The following GABRB1 variants were observed in gnomAD, a reference collection of about 807,000 sequenced individuals.
The protein encoded by GABRB1 is gamma-aminobutyric acid receptor subunit beta-1.
In GABRB1, 17 loss-of-function variants were observed where a neutral mutation model predicts 51.6. That is an observed-to-expected ratio of 0.33 (90% CI 0.23 to 0.49). The LOEUF is 0.49. GABRB1 is among the 20% of genes least tolerant of loss of function. GABRB1 has a pLI of 0.99. For missense variants in GABRB1, 410 were observed against 600.6 expected (o/e 0.68, Z 3.32); for synonymous variants, 247 against 218.9 (o/e 1.13, Z -1.14).
At chr4:47,054,891 T>C (rs1437430076) in intron 3 of GABRB1, among the ~76,000 whole-genome samples, 1 of 152,188 alleles carries the variant, frequency 6.6e-6, no homozygotes, top group African/African-American at 2.4e-5. Flanking sequence ...GGACACTTTA[T>C]GGACAACATT....
intron 4 of GABRB1, among the ~76,000 whole-genome samples, chr4:47,288,979 C>T (rs181538450): frequency 6.6e-6 from 1 of 152,166 alleles, no homozygotes; most frequent in East Asian, 1.9e-4. Context: ...TAGCATGGCA[C>T]CTTATTGTAA....
intron 4 of GABRB1, among the ~76,000 whole-genome samples, chr4:47,281,038 C>T (rs532779291): frequency 6.6e-6 from 1 of 152,050 alleles, no homozygotes; most frequent in South Asian, 2.1e-4. Context: ...TTTGAATTTT[C>T]ATTCCATTTC....
chr4:47,031,941 C>T lies in GABRB1; in HGVS notation c.108C>T (p.Tyr36=), dbSNP rs1434148802. The change falls in exon 2 of 9, where the codon TAC becomes TAT. Residue 36 remains tyrosine, a synonymous_variant. Transcript: ENST00000295454. ...HSTNEPSNMS[Y]VKETVDRLLK... ...CCAATGAACCCAGCAACATGTCATA[C>T]GTGAAAGAGACAGTGGACAGATTGC... 1.2e-6 allele frequency: 2 copies of T among 1,613,968 alleles called. No individual in the cohort carries two copies. The highest frequency in any genetic ancestry group is 8.5e-7 in the Non-Finnish European group (1 of 1,179,936).
chr4:47,231,754 G>A (rs1438377310), intron 4 of GABRB1, among the ~76,000 whole-genome samples: 1 of 152,180 alleles, frequency 6.6e-6, no homozygotes, highest in African/African-American at 2.4e-5. Context: ...CATGCCCACT[G>A]TGAAAGCCTA....
intron 4 of GABRB1, among the ~76,000 whole-genome samples, chr4:47,176,821 C>T (rs144622366): frequency 1.1e-4 from 16 of 152,186 alleles, no homozygotes; most frequent in African/African-American, 3.4e-4. Flanking sequence ...AGGAAAGGCT[C>T]CAAGTACAAA....
chr4:47,411,934 A>G (rs1267671376), intron 8 of GABRB1, among the ~76,000 whole-genome samples: 1 of 152,220 alleles, frequency 6.6e-6, no homozygotes, highest in Non-Finnish European at 1.5e-5. Context: ...ATCACATTGT[A>G]TACAACAGAA....
chr4:47,350,286 T>G (rs10805155), intron 5 of GABRB1, among the ~76,000 whole-genome samples: 118,861 of 139,814 alleles, frequency 0.85, 50,718 homozygotes, highest in East Asian at 0.95. Context: ...TATATATATA[T>G]AGAGAGAGAG....
intron 3 of GABRB1, among the ~76,000 whole-genome samples, chr4:47,108,293 C>T (rs1322340741): frequency 6.6e-6 from 1 of 151,934 alleles, no homozygotes; most frequent in African/African-American, 2.4e-5. Context: ...TTATTTTCCA[C>T]TTTGTGAATA....
At chr4:47,021,747 G>A (rs1724934241) in intron 1 of GABRB1, among the ~76,000 whole-genome samples, 4 of 151,992 alleles carry the variant, frequency 2.6e-5, no homozygotes. Flanking sequence ...GACTTTGTGG[G>A]CTTGAACTCT....
intron 4 of GABRB1, among the ~76,000 whole-genome samples, chr4:47,317,380 G>C (rs1224045225): frequency 1.3e-5 from 2 of 151,882 alleles, no homozygotes; most frequent in Non-Finnish European, 2.9e-5. Flanking sequence ...TGGTAAAAGA[G>C]TATAGCAGAC....
intron 4 of GABRB1, among the ~76,000 whole-genome samples, chr4:47,295,352 A>C (rs1000990774): frequency 2.6e-5 from 4 of 152,186 alleles, no homozygotes; most frequent in African/African-American, 7.2e-5. Context: ...AGAAGTTAAA[A>C]ACTTTGAAAA....
At chr4:47,162,329 C>A (rs1040983802) in intron 4 of GABRB1, among the ~76,000 whole-genome samples, 25 of 151,846 alleles carry the variant, frequency 1.6e-4, no homozygotes, top group African/African-American at 5.3e-4. Flanking sequence ...GATGAATTAC[C>A]CTTCTGAAGT....
At chr4:47,357,707 A>T (rs997378122) in intron 5 of GABRB1, among the ~76,000 whole-genome samples, 2 of 152,160 alleles carry the variant, frequency 1.3e-5, no homozygotes, top group Non-Finnish European at 2.9e-5. Context: ...GGTACAAGTA[A>T]TGTTCAGAGA....
At chr4:47,192,838 A>T (rs1719497381) in intron 4 of GABRB1, among the ~76,000 whole-genome samples, 1 of 152,216 alleles carries the variant, frequency 6.6e-6, no homozygotes, top group Non-Finnish European at 1.5e-5. Flanking sequence ...GGCACTTTTT[A>T]AAATTATTTA....
chr4:47,166,518 T>G (rs191450031), intron 4 of GABRB1, among the ~76,000 whole-genome samples: 95 of 152,232 alleles, frequency 6.2e-4, no homozygotes, highest in African/African-American at 2.1e-3. Context: ...TCTAGATTAC[T>G]TTATTGTAAA....
chr4:47,319,763 G>T (rs4572849), intron 4 of GABRB1, among the ~76,000 whole-genome samples: 1 of 152,116 alleles, frequency 6.6e-6, no homozygotes, highest in Non-Finnish European at 1.5e-5. Flanking sequence ...GTTAATATTA[G>T]TTCTTCTCTG....
intron 4 of GABRB1, among the ~76,000 whole-genome samples, chr4:47,245,040 A>G (rs989859924): frequency 6.6e-6 from 1 of 152,196 alleles, no homozygotes; most frequent in African/African-American, 2.4e-5. Context: ...CCATTCAAAA[A>G]ATCCGTGAAT....
chr4:47,017,686 G>A (rs1284446995), intron 1 of GABRB1, among the ~76,000 whole-genome samples: 1 of 151,938 alleles, frequency 6.6e-6, no homozygotes, highest in African/African-American at 2.4e-5. Context: ...CTGAATCTCT[G>A]AAATATTGTC....
At chr4:47,299,294 G>A (rs1160899571) in intron 4 of GABRB1, among the ~76,000 whole-genome samples, 1 of 152,036 alleles carries the variant, frequency 6.6e-6, no homozygotes, top group African/African-American at 2.4e-5. Flanking sequence ...CCATCAGAGT[G>A]AACAGGCAAC....
Sources: allele counts gnomAD v4.1 joint callset (sites outside exome capture counted in the v4.1 genomes callset), GRCh38; gene constraint gnomAD v4.1.1; transcripts MANE v1.5; gene names NCBI Gene and HGNC (gene_info 2026-07-23, HGNC 2026-07-21).